Variants in CFAP61 observed in about 807,000 individuals in gnomAD.
CFAP61 encodes cilia and flagella associated protein 61.
In CFAP61, 107 loss-of-function variants were observed where a neutral mutation model predicts 135.6. The observed-to-expected ratio is 0.79, with a 90% CI of 0.67 to 0.93. The LOEUF is 0.93. Ranked by LOEUF, CFAP61 falls within the 40% of genes least tolerant of loss-of-function variation. CFAP61 has a pLI of 0.00. For missense variants in CFAP61, 1,507 were observed against 1,556.2 expected, an observed-to-expected ratio of 0.97 and a Z score of 0.53; for synonymous variants, 575 against 578.5, an observed-to-expected ratio of 0.99 and a Z score of 0.09.
At chr20:20,288,972 A>T in intron 23 of CFAP61, 36 bp downstream of exon 23, 1 of 1,549,478 alleles carries the variant, frequency 6.5e-7, no homozygotes, top group East Asian at 2.3e-5. Context: ...TGATGAAGCC[A>T]CAGATTAGGT....
Position 20,330,021 on chromosome 20 carries a change from G to T in CFAP61, c.3423-11810G>T, listed in dbSNP as rs117349734. 2.9e-3 allele frequency among the ~76,000 whole-genome samples: 447 copies of T among 152,340 alleles called. 3 individuals carry two copies. Among genetic ancestry groups the T allele is most frequent in the Non-Finnish European group, 4.7e-3 (322 of 68,038 alleles). On this transcript the variant is annotated intron_variant, in intron 25 of 26. Coordinates refer to ENST00000245957, the MANE Select transcript of CFAP61 (RefSeq NM_015585.4). ...CATTCATCCTTGCATTTGAAATGATGCTCACAGGAGGCGGTCAACAGACTC... is the reference window on the plus strand; with the variant it reads ...CATTCATCCTTGCATTTGAAATGATTCTCACAGGAGGCGGTCAACAGACTC...
intron 20 of CFAP61, among the ~76,000 whole-genome samples, chr20:20,255,528 G>A (rs2051473935): frequency 6.6e-6 from 1 of 152,070 alleles, no homozygotes; most frequent in Non-Finnish European, 1.5e-5. Flanking sequence ...TCTCCAAAGG[G>A]GTTAATCATG....
intron 13 of CFAP61, among the ~76,000 whole-genome samples, chr20:20,186,327 A>G (rs2055496131): frequency 1.3e-5 from 2 of 152,232 alleles, no homozygotes; most frequent in Non-Finnish European, 2.9e-5. Flanking sequence ...TTTAAAGTTC[A>G]TGCATGTTGG....
chr20:20,334,943 T>G lies in CFAP61; in HGVS notation c.3423-6888T>G, dbSNP rs75185384. 7.1e-3 allele frequency among the ~76,000 whole-genome samples: 1,084 copies of G among 152,310 alleles called. 12 individuals carry two copies. Among genetic ancestry groups the G allele is most frequent in the African/African-American group, 0.025 (1,035 of 41,562 alleles). On this transcript the variant is annotated intron_variant, in intron 25 of 26. Coordinates refer to ENST00000245957, the MANE Select transcript of CFAP61 (RefSeq NM_015585.4). ...ATTTCCAAGCAAACCCAGGAATAAC[T>G]AGAAATACTTACTTGTTCCTATTCT...
chr20:20,094,919 A>G (rs192329576), intron 7 of CFAP61, among the ~76,000 whole-genome samples: 80 of 152,288 alleles, frequency 5.3e-4, no homozygotes, highest in African/African-American at 1.7e-3. Flanking sequence ...CTTTTAGGCA[A>G]TGGTGTGCTG....
intron 8 of CFAP61, among the ~76,000 whole-genome samples, chr20:20,139,732 G>A (rs1456862201): frequency 1.3e-5 from 2 of 152,150 alleles, no homozygotes; most frequent in South Asian, 2.1e-4. Context: ...AACACCTCAC[G>A]ACAGTTTAGT....
chr20:20,342,062 CG>C (rs2058462455), intron 26 of CFAP61, 141 bp downstream of exon 26: 1 of 551,724 alleles, frequency 1.8e-6, no homozygotes, highest in Admixed American at 3.5e-5. Context: ...AAACAAACTG[CG>C]GAGCATGTAA....
intron 25 of CFAP61, among the ~76,000 whole-genome samples, chr20:20,312,335 A>G (rs374720662): frequency 6.2e-4 from 94 of 152,332 alleles, no homozygotes; most frequent in African/African-American, 2.3e-3. Context: ...ACCCAAATCA[A>G]ACTTTTAGAG....
chr20:20,357,240 T>G (rs1449063453), intron 26 of CFAP61, among the ~76,000 whole-genome samples: 15 of 17,318 alleles, frequency 8.7e-4, no homozygotes, highest in Admixed American at 2.8e-3. Context: ...ATACTGCGAG[T>G]GGAGGTAGTC....
At chr20:20,342,625 T>TCGTGTTAC (rs1470561486) in intron 26 of CFAP61, among the ~76,000 whole-genome samples, 1 of 152,184 alleles carries the variant, frequency 6.6e-6, no homozygotes, top group Non-Finnish European at 1.5e-5. Context: ...AGCTTCTACC[T>TCGTGTTAC]CGTGTTACCG....
intron 21 of CFAP61, among the ~76,000 whole-genome samples, chr20:20,266,867 GAA>G (rs1433898432): frequency 2.6e-5 from 4 of 152,172 alleles, no homozygotes; most frequent in African/African-American, 9.7e-5. Context: ...CTGAGAGGGT[GAA>G]AAGAGATAAA....
chr20:20,196,849 C>A, intron 16 of CFAP61, 73 bp downstream of exon 16: 1 of 1,238,278 alleles, frequency 8.1e-7, no homozygotes, highest in Non-Finnish European at 1.2e-6. Context: ...ACGCCGCATT[C>A]TATTCATTCC....
chr20:20,076,683 CT>C (rs1196692253), intron 6 of CFAP61, among the ~76,000 whole-genome samples: 1 of 152,192 alleles, frequency 6.6e-6, no homozygotes, highest in Non-Finnish European at 1.5e-5. Context: ...TTGAGGAATG[CT>C]GACTTTCTTT....
chr20:20,090,770 G>GCA, intron 6 of CFAP61, 74 bp from the exon 7 acceptor site: 1 of 1,496,272 alleles, frequency 6.7e-7, no homozygotes, highest in Non-Finnish European at 9.2e-7. Flanking sequence ...ACAGGGTCTG[G>GCA]CACACAGTTG....
At chr20:20,213,027 A>G (rs1440695705) in intron 17 of CFAP61, among the ~76,000 whole-genome samples, 1 of 152,178 alleles carries the variant, frequency 6.6e-6, no homozygotes, top group African/African-American at 2.4e-5. Context: ...CAGGGCAGGT[A>G]CAACTCCTCT....
intron 20 of CFAP61, among the ~76,000 whole-genome samples, chr20:20,256,041 C>T (rs2051528704): frequency 1.3e-5 from 2 of 152,194 alleles, no homozygotes; most frequent in African/African-American, 4.8e-5. Context: ...AGCTCTCTGC[C>T]TCCCAGGCCC....
intron 7 of CFAP61, among the ~76,000 whole-genome samples, chr20:20,092,073 G>A (rs2047242752): frequency 1.3e-5 from 2 of 152,188 alleles, no homozygotes; most frequent in South Asian, 4.1e-4. Flanking sequence ...GTAATTCCAG[G>A]CCATTCATTG....
At chr20:20,085,203 C>T (rs943085152) in intron 6 of CFAP61, 1 of 985,334 alleles carries the variant, frequency 1.0e-6, no homozygotes, top group African/African-American at 1.7e-5. Context: ...CAGTGGCTCT[C>T]CTTGCATCCT....
chr20:20,273,126 C>T (rs2053490565), intron 21 of CFAP61, among the ~76,000 whole-genome samples: 2 of 151,036 alleles, frequency 1.3e-5, no homozygotes, highest in Admixed American at 1.3e-4. Context: ...AGCAGTCCTC[C>T]TGTCTTGGCC....
Sources: allele counts gnomAD v4.1 joint callset (sites outside exome capture counted in the v4.1 genomes callset), GRCh38; gene constraint gnomAD v4.1.1; transcripts MANE v1.5; gene names NCBI Gene and HGNC (gene_info 2026-07-23, HGNC 2026-07-21).